Variants in UBE2O observed in about 807,000 individuals in gnomAD.
UBE2O encodes the protein ubiquitin conjugating enzyme E2 O.
UBE2O carries 15 observed loss-of-function variants against 125.8 expected under a neutral mutation model. That is an observed-to-expected ratio of 0.12 (90% CI 0.08 to 0.18). UBE2O has a LOEUF of 0.18. UBE2O is among the 10% of genes least tolerant of loss of function. The pLI, the probability that UBE2O is intolerant of heterozygous loss-of-function variation, is 1.00. For missense variants in UBE2O, 1,280 were observed against 1,723.6 expected (o/e 0.74, Z 4.56); for synonymous variants, 708 against 703.2 (o/e 1.01, Z -0.11).
intron 1 of UBE2O, among the ~76,000 whole-genome samples, chr17:76,418,650 A>G (rs927059420): frequency 1.3e-5 from 2 of 151,600 alleles, no homozygotes; most frequent in African/African-American, 4.9e-5. Context: ...GCTCACTGCA[A>G]GCTCCACCTC....
At chr17:76,445,083 G>C (rs997339864) in intron 1 of UBE2O, among the ~76,000 whole-genome samples, 3 of 152,204 alleles carry the variant, frequency 2.0e-5, no homozygotes, top group African/African-American at 7.2e-5. Context: ...AACATCATCG[G>C]AGCTGCTGAG....
At chr17:76,411,620 C>T (rs947228138) in intron 1 of UBE2O, among the ~76,000 whole-genome samples, 1 of 152,220 alleles carries the variant, frequency 6.6e-6, no homozygotes, top group African/African-American at 2.4e-5. Context: ...TGGGTGCTCT[C>T]TTTTAATCCC....
chr17:76,399,325 CCCCGGAG>C lies in UBE2O; in HGVS notation c.1628+117_1628+123del. On this transcript the variant is annotated intron_variant, in intron 9 of 17. Transcript: ENST00000319380. The surrounding 1 kb of genome is among the most constrained non-coding windows in gnomAD (Gnocchi z 6.9). ...GCACCTACGTTGTCTCGGGTGGGAGCCCCGGAGCCACTACAAGGCATGCAGAGGTGTG... is the reference window on the plus strand; with the variant it reads ...GCACCTACGTTGTCTCGGGTGGGAGCCCACTACAAGGCATGCAGAGGTGTG... 3.0e-6 allele frequency: 3 copies of C among 1,010,180 alleles called. No individual in the cohort carries two copies. The highest frequency in any genetic ancestry group is 4.4e-6 in the Non-Finnish European group (3 of 685,648). The allele number at this position is 1,010,180 out of a possible 1,614,324, so 62.6% of individuals were successfully genotyped here.
At chr17:76,442,198 C>T (rs143191660) in intron 1 of UBE2O, among the ~76,000 whole-genome samples, 41 of 152,284 alleles carry the variant, frequency 2.7e-4, no homozygotes, top group Non-Finnish European at 4.4e-4. Context: ...CTGGGGAGCC[C>T]GCGACGGAAG....
chr17:76,425,225 CAAAAAA>C (rs58377572), intron 1 of UBE2O, among the ~76,000 whole-genome samples: 21 of 95,102 alleles, frequency 2.2e-4, no homozygotes, highest in South Asian at 6.7e-4. Flanking sequence ...GTCCTTTCGA[CAAAAAA>C]AAAAAAAAAA....
chr17:76,410,342 T>A lies in UBE2O; in HGVS notation c.418-4770A>T, dbSNP rs1598596545. On this transcript the variant is annotated intron_variant, in intron 1 of 17. Transcript: ENST00000319380. The surrounding 1 kb of genome is among the most constrained non-coding windows in gnomAD (Gnocchi z 4.0). ...TTGCTCCTCAAAGGACATTTGGCAATGTCTGGAGACACTTTCGGTGGTCAT... is the reference window on the plus strand; with the variant it reads ...TTGCTCCTCAAAGGACATTTGGCAAAGTCTGGAGACACTTTCGGTGGTCAT... 6.6e-6 allele frequency among the ~76,000 whole-genome samples: 1 copy of A among 151,848 alleles called. No homozygotes were observed. The highest frequency in any genetic ancestry group is 1.9e-4 in the East Asian group (1 of 5,164).
rs150209609 is a variant in UBE2O at position 76,391,462 on chromosome 17, G to T, written c.3360C>A (p.Pro1120=). ...GCCTGATCTCCTGCTCAAAGACCTCGGGGGGCCGCCGCACCAGCTGGGTCA... is the reference window on the plus strand; with the variant it reads ...GCCTGATCTCCTGCTCAAAGACCTCTGGGGGCCGCCGCACCAGCTGGGTCA... ...QSMTQLVRRP[P]EVFEQEIRQH... is the part of the protein sequence containing the mutation. The change falls in exon 18 of 18, where the codon CCC becomes CCA. Residue 1120 remains proline (P), a synonymous_variant. Coordinates refer to ENST00000319380, the MANE Select transcript of UBE2O (RefSeq NM_022066.4). This position sits in a 1 kb window ranked among gnomAD's most constrained non-coding sequence, Gnocchi z 8.4. 14 of 1,613,714 alleles carry T rather than the reference G, an allele frequency of 8.7e-6. No individual in the cohort carries two copies. The highest frequency in any genetic ancestry group is 1.2e-5 in the Non-Finnish European group (14 of 1,180,040).
At chr17:76,448,103 C>T (rs1465415921) in intron 1 of UBE2O, among the ~76,000 whole-genome samples, 1 of 152,114 alleles carries the variant, frequency 6.6e-6, no homozygotes, top group Non-Finnish European at 1.5e-5. Flanking sequence ...AATCACAGTA[C>T]AAAACACACA....
Position 76,453,121 on chromosome 17 carries a change from G to A in UBE2O, c.21C>T (p.Pro7=), listed in dbSNP as rs1216497945. MADPAA[P]TPAAPAPAQA... is the part of the protein sequence containing the mutation. ...GGGCTGGAGCGGGAGCTGCGGGCGT[G>A]GGGGCTGCGGGATCCGCCATAACTG... The change falls in exon 1 of 18, where the codon CCC becomes CCT. Residue 7 remains proline, a synonymous_variant. Transcript: ENST00000319380. 2.7e-6 allele frequency: 2 copies of A among 751,640 alleles called. No individual in the cohort carries two copies. The highest frequency in any genetic ancestry group is 3.6e-5 in the South Asian group (1 of 27,618). The allele number at this position is 751,640 out of a possible 1,614,324, so 46.6% of individuals were successfully genotyped here.
intron 1 of UBE2O, among the ~76,000 whole-genome samples, chr17:76,409,633 AC>A (rs2072484198): frequency 6.6e-6 from 1 of 151,980 alleles, no homozygotes; most frequent in African/African-American, 2.4e-5. Context: ...TGACCCCATG[AC>A]CTGCCCTCCT....
rs968543345 is a variant in UBE2O, at chr17:76,404,416, G to A, written c.588+790C>T. ...AACACCAGGAAGACCCAGGCTGAGGGTCAAATTACTGAATGTATCACTGTT... is the reference window on the plus strand; with the variant it reads ...AACACCAGGAAGACCCAGGCTGAGGATCAAATTACTGAATGTATCACTGTT... On this transcript the variant is annotated intron_variant, in intron 3 of 17. Transcript: ENST00000319380. The surrounding 1 kb of genome is among the most constrained non-coding windows in gnomAD (Gnocchi z 4.3). 9.9e-5 allele frequency among the ~76,000 whole-genome samples: 15 copies of A among 152,216 alleles called. No individual in the cohort carries two copies. The highest frequency in any genetic ancestry group is 2.9e-4 in the African/African-American group (12 of 41,450).
Position 76,405,443 on chromosome 17 carries a change from G to C in UBE2O, c.477+70C>G. 6.5e-7 allele frequency: 1 copy of C among 1,527,314 alleles called. No homozygotes were observed. The highest frequency in any genetic ancestry group is 8.9e-7 in the Non-Finnish European group (1 of 1,119,660). The allele number at this position is 1,527,314 out of a possible 1,614,324, so 94.6% of individuals were successfully genotyped here. On this transcript the variant is annotated intron_variant, in intron 2 of 17. Coordinates refer to ENST00000319380, the MANE Select transcript of UBE2O (RefSeq NM_022066.4). The surrounding 1 kb of genome is among the most constrained non-coding windows in gnomAD (Gnocchi z 6.1). ...CAGTTCTCCCACATGCAGAGTGCGA[G>C]GTGGGCAGGCTCAAGTCCCTAAGGT...
In UBE2O at chr17:76,400,705, C is replaced by T. The variant is rs1437773238; in HGVS notation, c.895-155G>A. Reference sequence around the variant, plus strand: ...ACATCAGAGCAGGCCCCAACTGTAACCACGGCCCCCACCCAATGCCCAGGA... The same window carrying T: ...ACATCAGAGCAGGCCCCAACTGTAATCACGGCCCCCACCCAATGCCCAGGA... On this transcript the variant is annotated intron_variant, in intron 6 of 17. Transcript: ENST00000319380. This position sits in a 1 kb window ranked among gnomAD's most constrained non-coding sequence, Gnocchi z 4.3. 6.6e-6 allele frequency among the ~76,000 whole-genome samples: 1 copy of T among 152,186 alleles called. No individual in the cohort carries two copies. The highest frequency in any genetic ancestry group is 2.4e-5 in the African/African-American group (1 of 41,440).
intron 1 of UBE2O, among the ~76,000 whole-genome samples, chr17:76,449,339 C>A (rs1482584269): frequency 2.0e-5 from 3 of 152,260 alleles, no homozygotes; most frequent in African/African-American, 4.8e-5. Flanking sequence ...CTTGGGGAGG[C>A]CAAGGCCGGT....
At chr17:76,424,238 A>C (rs1477886595) in intron 1 of UBE2O, among the ~76,000 whole-genome samples, 22 of 88,140 alleles carry the variant, frequency 2.5e-4, no homozygotes, top group African/African-American at 7.4e-4. Flanking sequence ...GACAGAATTT[A>C]ACTTTTGTTG....
intron 1 of UBE2O, among the ~76,000 whole-genome samples, chr17:76,411,817 C>T (rs2072521677): frequency 6.6e-6 from 1 of 152,212 alleles, no homozygotes; most frequent in Admixed American, 6.5e-5. Context: ...TCCTGAGTAG[C>T]TGGGACTACA....
intron 12 of UBE2O, 56 bp from the exon 13 acceptor site, chr17:76,397,944 C>A: frequency 6.3e-7 from 1 of 1,580,060 alleles, no homozygotes; most frequent in East Asian, 2.2e-5. Flanking sequence ...AGCTCCCCAG[C>A]CCCTCCTGTG....
chr17:76,440,024 T>C (rs755785698), intron 1 of UBE2O, among the ~76,000 whole-genome samples: 3 of 152,206 alleles, frequency 2.0e-5, no homozygotes, highest in Admixed American at 6.5e-5. Context: ...ACTGAGGATA[T>C]AGCAGTGACA....
intron 1 of UBE2O, among the ~76,000 whole-genome samples, chr17:76,435,417 TACACACACAC>T (rs59781051): frequency 0.012 from 1,146 of 96,424 alleles, 12 homozygotes; most frequent in African/African-American, 0.029. Flanking sequence ...CACACACACA[TACACACACAC>T]ACACACACAC....
Sources: gnomAD v4.1 joint callset for allele counts (sites outside exome capture counted in the v4.1 genomes callset) on GRCh38, gnomAD v4.1.1 for gene constraint, Gnocchi (gnomAD v3.1) non-coding constraint, MANE v1.5 for transcripts, NCBI Gene and HGNC (gene_info 2026-07-23, HGNC 2026-07-21) for gene names.